CDK5RAP2: variants seen among roughly 807,000 people sequenced by gnomAD.
The protein encoded by CDK5RAP2 is CDK5 regulatory subunit-associated protein 2.
CDK5RAP2 carries 147 observed loss-of-function variants against 232.9 expected under a neutral mutation model. The ratio of observed to expected loss-of-function variants is 0.63; its 90% confidence interval spans 0.55 to 0.72. The LOEUF (loss-of-function observed/expected upper bound fraction) is 0.72, where lower values mean the gene tolerates loss of function less well. Ranked by LOEUF, CDK5RAP2 falls within the 30% of genes least tolerant of loss-of-function variation. CDK5RAP2 has a pLI of 0.00. For synonymous variants in CDK5RAP2, 833 were observed against 833.7 expected, an observed-to-expected ratio of 1.00 and a Z score of 0.01; for missense variants, 2,195 against 2,231.5, an observed-to-expected ratio of 0.98 and a Z score of 0.33.
At chr9:120,504,176 G>C (rs1160657792) in intron 12 of CDK5RAP2, among the ~76,000 whole-genome samples, 1 of 152,106 alleles carries the variant, frequency 6.6e-6, no homozygotes, top group Non-Finnish European at 1.5e-5. Flanking sequence ...TGTTGTTACT[G>C]TTTGGGAAAA....
chr9:120,509,266 A>T (rs775233685), intron 12 of CDK5RAP2, among the ~76,000 whole-genome samples: 9 of 152,228 alleles, frequency 5.9e-5, no homozygotes, highest in African/African-American at 2.2e-4. Context: ...AACATTTATT[A>T]ATCAACACCG....
intron 12 of CDK5RAP2, among the ~76,000 whole-genome samples, chr9:120,499,889 C>T (rs1315113582): frequency 6.6e-6 from 1 of 152,134 alleles, no homozygotes; most frequent in Non-Finnish European, 1.5e-5. Flanking sequence ...GGACTTTACC[C>T]CATTTCACTT....
rs1010739963 is a variant in CDK5RAP2 at position 120,539,233 on chromosome 9, G to A, written c.384-69C>T. 13 of 1,591,556 alleles carry A rather than the reference G, an allele frequency of 8.2e-6. No individual in the cohort carries two copies. In the African/African-American group the frequency reaches 1.5e-4, roughly 18 times the overall value. On this transcript the variant is annotated intron_variant, in intron 5 of 37. Transcript: ENST00000349780. ...CTGATGGTTATTTCACAGCCCCAAA[G>A]AGACAAGGAGTATTTGCTAGTCATT... is the stretch of plus-strand genomic sequence containing the variant.
In CDK5RAP2 at chr9:120,525,573, G is replaced by C. The variant is rs117715355; in HGVS notation, c.1000-495C>G. Among the ~76,000 whole-genome samples the C allele has an allele frequency of 2.8e-3, 425 of 151,974 alleles. 1 individual carries two copies. The highest frequency in any genetic ancestry group is 0.011 in the East Asian group (55 of 5,160). On this transcript the variant is annotated intron_variant, in intron 10 of 37. Transcript: ENST00000349780. ...GTGTCCTGACACACTGAAGGGCTCC[G>C]ATCTCGGTTGGACCTAGAACTCCCC...
intron 5 of CDK5RAP2, among the ~76,000 whole-genome samples, chr9:120,545,201 C>T (rs1285355990): frequency 2.0e-5 from 3 of 152,154 alleles, no homozygotes; most frequent in South Asian, 4.1e-4. Context: ...CATCAGGACC[C>T]CTTCAAGTCA....
intron 12 of CDK5RAP2, among the ~76,000 whole-genome samples, chr9:120,492,510 C>T (rs1397176126): frequency 6.6e-6 from 1 of 152,060 alleles, no homozygotes; most frequent in Non-Finnish European, 1.5e-5. Context: ...ATCATTTAAA[C>T]GTTTATACAA....
intron 35 of CDK5RAP2, among the ~76,000 whole-genome samples, chr9:120,396,283 A>G (rs986528975): frequency 2.6e-5 from 4 of 152,236 alleles, no homozygotes; most frequent in African/African-American, 9.6e-5. Flanking sequence ...GCTCACAAAG[A>G]CTTAGGTTCT....
intron 14 of CDK5RAP2, among the ~76,000 whole-genome samples, chr9:120,486,511 T>C (rs1014825894): frequency 6.6e-6 from 1 of 151,996 alleles, no homozygotes; most frequent in Non-Finnish European, 1.5e-5. Flanking sequence ...AACAAATATT[T>C]ACACAGCCAG....
At chr9:120,492,257 T>C (rs984245706) in intron 12 of CDK5RAP2, among the ~76,000 whole-genome samples, 1 of 152,176 alleles carries the variant, frequency 6.6e-6, no homozygotes, top group Non-Finnish European at 1.5e-5. Flanking sequence ...ACTCTTAAGC[T>C]ATAAAGGAAA....
intron 3 of CDK5RAP2, among the ~76,000 whole-genome samples, chr9:120,560,444 TTGAC>T (rs2042421858): frequency 6.6e-6 from 1 of 152,236 alleles, no homozygotes; most frequent in African/African-American, 2.4e-5. Context: ...CCACTCACTA[TTGAC>T]CAGGAATGGT....
intron 23 of CDK5RAP2, among the ~76,000 whole-genome samples, chr9:120,441,335 T>C (rs116642834): frequency 0.027 from 4,149 of 152,324 alleles, 192 homozygotes; most frequent in African/African-American, 0.094. Flanking sequence ...TGAGCTTTAG[T>C]AGCTTTATCT....
chr9:120,487,170 T>C (rs1227784085), intron 14 of CDK5RAP2, 124 bp downstream of exon 14: 1 of 1,016,486 alleles, frequency 9.8e-7, no homozygotes, highest in African/African-American at 1.6e-5. Context: ...CTCCTACCTG[T>C]TGTAGGCTCA....
Position 120,409,125 on chromosome 9 carries a change from A to G in CDK5RAP2, c.4604+2T>C. ...AGGCCACCAGGGAAGCACAGCCACTACCTGCTCAGCTCCTGGCCGCTGCAG... is the reference window on the plus strand; with the variant it reads ...AGGCCACCAGGGAAGCACAGCCACTGCCTGCTCAGCTCCTGGCCGCTGCAG... On this transcript the variant is annotated splice_donor_variant, in intron 30 of 37. Coordinates refer to ENST00000349780, the MANE Select transcript of CDK5RAP2 (RefSeq NM_018249.6). LOFTEE classifies it high-confidence loss of function. 1 of 1,611,086 alleles carries G rather than the reference A, an allele frequency of 6.2e-7. No homozygotes were observed. Among genetic ancestry groups the G allele is most frequent in the Non-Finnish European group, 8.5e-7 (1 of 1,179,890 alleles).
At chr9:120,469,457 T>G (rs2037567294) in intron 17 of CDK5RAP2, among the ~76,000 whole-genome samples, 1 of 152,246 alleles carries the variant, frequency 6.6e-6, no homozygotes, top group Admixed American at 6.5e-5. Context: ...TATTCCCAGA[T>G]AGAAACTGAA....
Position 120,530,207 on chromosome 9 carries a change from G to A in CDK5RAP2, c.663-67C>T, listed in dbSNP as rs1257136810. The A allele has an allele frequency of 5.7e-6, 7 of 1,223,252 alleles. No homozygotes were observed. The Admixed American group carries it at 1.2e-4, about 21-fold the overall frequency. The allele number at this position is 1,223,252 out of a possible 1,614,324, so 75.8% of individuals were successfully genotyped here. ...TCTTAGCTCAGTGGAGCTGGAGGAG[G>A]AAGGAAATGGGGCCAGATATCTTCA... On this transcript the variant is annotated intron_variant, in intron 7 of 37. Coordinates refer to ENST00000349780, the MANE Select transcript of CDK5RAP2 (RefSeq NM_018249.6).
At chr9:120,536,326 T>A (rs749295898) in intron 7 of CDK5RAP2, 46 bp downstream of exon 7, 18 of 1,599,962 alleles carry the variant, frequency 1.1e-5, no homozygotes, top group Middle Eastern at 1.7e-4. Flanking sequence ...TTCCCCACGC[T>A]GCCAGATAAT....
chr9:120,528,703 G>T, intron 9 of CDK5RAP2, 41 bp downstream of exon 9: 1 of 1,283,098 alleles, frequency 7.8e-7, no homozygotes, highest in Non-Finnish European at 1.1e-6. Context: ...GCAAGAATAG[G>T]CTAAATCTTC....
chr9:120,425,100 G>C (rs1245883863), intron 25 of CDK5RAP2, among the ~76,000 whole-genome samples: 1 of 152,058 alleles, frequency 6.6e-6, no homozygotes, highest in Admixed American at 6.6e-5. Context: ...CCAGATCTTA[G>C]ACCCATCAAA....
intron 30 of CDK5RAP2, 66 bp downstream of exon 30, chr9:120,409,061 C>T (rs1034646547): frequency 2.0e-6 from 3 of 1,507,306 alleles, no homozygotes; most frequent in African/African-American, 1.4e-5. Flanking sequence ...GCTGATTCCA[C>T]GACTGCAGCC....
Sources: allele counts gnomAD v4.1 joint callset (sites outside exome capture counted in the v4.1 genomes callset), GRCh38; gene constraint gnomAD v4.1.1; transcripts MANE v1.5; gene names NCBI Gene and HGNC (gene_info 2026-07-23, HGNC 2026-07-21).